Variants in NCOA5 observed in about 807,000 individuals in gnomAD.
NCOA5 encodes the protein nuclear receptor coactivator 5.
Under a neutral mutation model 59.0 loss-of-function variants are expected in NCOA5, and 12 were observed. The ratio of observed to expected loss-of-function variants is 0.20; its 90% CI spans 0.13 to 0.33. The LOEUF (loss-of-function observed/expected upper bound fraction) is 0.33, where lower values mean the gene tolerates loss of function less well. Ranked by LOEUF, NCOA5 falls within the 10% of genes least tolerant of loss-of-function variation. The pLI, the probability that NCOA5 is intolerant of heterozygous loss-of-function variation, is 1.00. For synonymous variants in NCOA5, 270 were observed against 275.5 expected (o/e 0.98, Z 0.20); for missense variants, 655 against 766.6 (o/e 0.85, Z 1.72).
At position 46,061,670 on chromosome 20, in the gene NCOA5, A is replaced by T. The variant is rs577573096; in HGVS notation, c.*630T>A. On this transcript the variant is annotated 3_prime_UTR_variant, in exon 8 of 8. Transcript: ENST00000290231. ...ATGAAATGAAAACAAAAAAGAAAAG[A>T]GAAAAAAACAAAAAACAACCTTGGC... 22 of 152,094 alleles carry T rather than the reference A, an allele frequency of 1.4e-4. No individual in the cohort carries two copies. Among genetic ancestry groups the T allele is most frequent in the African/African-American group, 5.1e-4 (21 of 41,522 alleles). The allele number at this position is 152,094 out of a possible 1,614,324, so 9.4% of individuals were successfully genotyped here. A position where few individuals can be genotyped will look rare whatever the true frequency, so the allele number is the denominator to read the frequency against.
At chr20:46,064,855 A>T (rs570942059) in intron 6 of NCOA5, among the ~76,000 whole-genome samples, 174 bp downstream of exon 6, 2 of 152,360 alleles carry the variant, frequency 1.3e-5, no homozygotes, top group Admixed American at 1.3e-4. Context: ...TCCACTAAGA[A>T]ACTATCAGAT....
Position 46,062,268 on chromosome 20 carries a change from G to C in NCOA5, c.*32C>G, listed in dbSNP as rs1181186336. On this transcript the variant is annotated 3_prime_UTR_variant, in exon 8 of 8. Transcript: ENST00000290231. The stretch of plus-strand genomic sequence containing the variant: ...AGTAAGTGGGAGGAGGCCAGGGGAT[G>C]AGGGGACTGGGGAGAGTTGAAAGAT... 2 of 1,555,976 alleles carry C rather than the reference G, an allele frequency of 1.3e-6. No individual in the cohort carries two copies. The highest frequency in any genetic ancestry group is 1.8e-6 in the Non-Finnish European group (2 of 1,137,250).
chr20:46,070,419 T>C lies in NCOA5; in HGVS notation c.156A>G (p.Arg52=). ...GRNGRDARDS[R]DIRDPRDLRD... ...GCAAGTCTCGGGGGTCTCGAATGTC[T>C]CTGCTGTCCCGGGCATCCCGGCCAT... Residue 52 remains arginine (R), a synonymous_variant, in exon 3 of 8, where the codon AGA becomes AGG. Coordinates refer to ENST00000290231, the MANE Select transcript of NCOA5 (RefSeq NM_020967.3). 2 of 1,614,080 alleles carry C rather than the reference T, an allele frequency of 1.2e-6. No individual in the cohort carries two copies. The highest frequency in any genetic ancestry group is 1.7e-6 in the Non-Finnish European group (2 of 1,180,006).
intron 1 of NCOA5, among the ~76,000 whole-genome samples, chr20:46,081,550 G>A (rs780981534): frequency 6.6e-6 from 1 of 152,100 alleles, no homozygotes; most frequent in Admixed American, 6.5e-5. Flanking sequence ...CATTTTGATT[G>A]TAATTTGCCT....
rs2145518599 is a variant in NCOA5 at position 46,062,635 on chromosome 20, C to T, written c.1405G>A (p.Ala469Thr). The T allele has an allele frequency of 6.2e-7, 1 of 1,614,216 alleles. No individual in the cohort carries two copies. Among genetic ancestry groups the T allele is most frequent in the East Asian group, 2.2e-5 (1 of 44,880 alleles). Residue 469 changes from alanine (A) to threonine (T), a missense_variant, in exon 8 of 8, where the codon GCA (alanine) becomes ACA (threonine). Ala to Thr is a moderately conservative substitution (Grantham distance 58). Coordinates refer to ENST00000290231, the MANE Select transcript of NCOA5 (RefSeq NM_020967.3). Reference protein sequence around the residue: ...NTPNQNFSTAANSQPQQRSQA... With the variant: ...NTPNQNFSTATNSQPQQRSQA... ...GATCTTTGTTGAGGCTGGCTGTTTGCTGCTGTGGAAAAATTCTGGTTTGGG... is the reference window on the plus strand; with the variant it reads ...GATCTTTGTTGAGGCTGGCTGTTTGTTGCTGTGGAAAAATTCTGGTTTGGG...
At chr20:46,077,900 A>T (rs1443310596) in intron 2 of NCOA5, among the ~76,000 whole-genome samples, 1 of 152,262 alleles carries the variant, frequency 6.6e-6, no homozygotes, top group Non-Finnish European at 1.5e-5. Context: ...AGCAGACATT[A>T]TACGGAACTG....
At chr20:46,083,217 T>C (rs1383641382) in intron 1 of NCOA5, among the ~76,000 whole-genome samples, 1 of 152,196 alleles carries the variant, frequency 6.6e-6, no homozygotes, top group Non-Finnish European at 1.5e-5. Flanking sequence ...AGTTCCACGC[T>C]ATCAAGCCAA....
intron 1 of NCOA5, among the ~76,000 whole-genome samples, chr20:46,082,464 C>G (rs569752539): frequency 6.6e-6 from 1 of 152,158 alleles, no homozygotes; most frequent in Admixed American, 6.5e-5. Flanking sequence ...ACTTGGGAAT[C>G]TCTTCCAAGG....
chr20:46,076,067 G>C (rs1415856191), intron 2 of NCOA5, among the ~76,000 whole-genome samples: 1 of 152,156 alleles, frequency 6.6e-6, no homozygotes. Flanking sequence ...CCTACGTTAA[G>C]TCCAGCAAAA....
At chr20:46,065,642 A>C (rs2084815431) in intron 5 of NCOA5, among the ~76,000 whole-genome samples, 1 of 152,238 alleles carries the variant, frequency 6.6e-6, no homozygotes, top group East Asian at 1.9e-4. Context: ...AAGCTTAAGC[A>C]AGTCCATTTA....
chr20:46,066,167 T>C (rs2145524959), intron 5 of NCOA5, among the ~76,000 whole-genome samples: 1 of 152,314 alleles, frequency 6.6e-6, no homozygotes, highest in Non-Finnish European at 1.5e-5. Flanking sequence ...AGTTATTTAC[T>C]TAGTACCACC....
intron 6 of NCOA5, among the ~76,000 whole-genome samples, chr20:46,064,509 A>C (rs1183148123): frequency 6.6e-6 from 1 of 152,208 alleles, no homozygotes; most frequent in Non-Finnish European, 1.5e-5. Context: ...TTACTTCTCC[A>C]GCACACTTAC....
chr20:46,074,945 G>A (rs769360675), intron 2 of NCOA5, among the ~76,000 whole-genome samples: 3 of 152,098 alleles, frequency 2.0e-5, no homozygotes, highest in Admixed American at 6.6e-5. Context: ...TCTGTTCACC[G>A]GAATGTCTTC....
chr20:46,080,839 C>T (rs1186846622), intron 1 of NCOA5, among the ~76,000 whole-genome samples: 5 of 152,068 alleles, frequency 3.3e-5, no homozygotes. Flanking sequence ...CTATGTAAGA[C>T]TTGGCCAGTA....
At chr20:46,087,641 C>CCCAGCTACTTAGGAGACTGA (rs1460750026) in intron 1 of NCOA5, among the ~76,000 whole-genome samples, 1 of 152,184 alleles carries the variant, frequency 6.6e-6, no homozygotes, top group Non-Finnish European at 1.5e-5. Context: ...CGCCTGTAAT[C>CCCAGCTACTTAGGAGACTGA]CCAGCTACTT....
chr20:46,063,452 C>G lies in NCOA5; in HGVS notation c.1058G>C (p.Arg353Thr), dbSNP rs757913170. 13 of 1,614,198 alleles carry G rather than the reference C, an allele frequency of 8.1e-6. No homozygotes were observed. Among genetic ancestry groups the G allele is most frequent in the African/African-American group, 1.3e-5 (1 of 75,038 alleles). The change falls in exon 7 of 8, where the codon AGG becomes ACG. Residue 353 changes from arginine (R) to threonine (T), a missense_variant. Around this residue, in one of 3 missense-constraint regions of NCOA5, gnomAD observed 325 missense variants for 353.2 expected, o/e 0.92. Transcript: ENST00000290231. The stretch of plus-strand genomic sequence containing the variant: ...GTCAGTCTCTTCAGCAGTGAGGTAC[C>G]TGTTGTCTGCCAGCAGGTTGATGAG... ...QSLINLLADN[R>T]YLTAEETDKI...
At chr20:46,080,479 A>C (rs2084981078) in intron 1 of NCOA5, among the ~76,000 whole-genome samples, 1 of 152,192 alleles carries the variant, frequency 6.6e-6, no homozygotes, top group South Asian at 2.1e-4. Context: ...ATCAAATGGT[A>C]TTAAGTACTC....
At position 46,062,855 on chromosome 20, in the gene NCOA5, C is replaced by A. The variant is rs767439998; in HGVS notation, c.1185G>T (p.Ser395=). The A allele has an allele frequency of 7.2e-6, 11 of 1,522,348 alleles. No homozygotes were observed. Among genetic ancestry groups the A allele is most frequent in the Non-Finnish European group, 9.7e-6 (11 of 1,136,054 alleles). 94.3% of individuals were successfully genotyped at this position (1,522,348 alleles called of 1,614,324 possible). Residue 395 remains serine, a synonymous_variant, in exon 8 of 8, where the codon TCG becomes TCT. Transcript: ENST00000290231. ...TTGGCTGTGTCTTCAGCGAGGCACC[C>A]GAGGTCGCCCCGAGTGGTTGGCGGG... ...PISRQPLGAT[S]GASLKTQPSS...
chr20:46,075,541 T>TA (rs1474037513), intron 2 of NCOA5, among the ~76,000 whole-genome samples: 1 of 152,198 alleles, frequency 6.6e-6, no homozygotes. Flanking sequence ...CTTTCACAAA[T>TA]ATATGGGGAA....
Sources: allele counts gnomAD v4.1 joint callset (sites outside exome capture counted in the v4.1 genomes callset), GRCh38; gene constraint gnomAD v4.1.1; regional missense constraint gnomAD v4.1.1; transcripts MANE v1.5; gene names NCBI Gene and HGNC (gene_info 2026-07-23, HGNC 2026-07-21).